The following WDR43 variants were observed in gnomAD, a reference collection of about 807,000 sequenced individuals.
WDR43 encodes WD repeat domain 43.
A neutral mutation model predicts 91.4 loss-of-function variants in WDR43; 13 were observed. The ratio of observed to expected loss-of-function variants is 0.14; its 90% confidence interval spans 0.09 to 0.23. The LOEUF (loss-of-function observed/expected upper bound fraction) is 0.23. WDR43 is among the 10% of genes least tolerant of loss of function. WDR43 has a pLI of 1.00. For synonymous variants in WDR43, 331 were observed against 287.9 expected, an observed-to-expected ratio of 1.15 and a Z score of -1.51; for missense variants, 780 against 809.4, an observed-to-expected ratio of 0.96 and a Z score of 0.44.
rs527480157 is a variant in WDR43, at chr2:28,926,283, G to A, written c.1087-185G>A. On this transcript the variant is annotated intron_variant, in intron 8 of 17. Transcript: ENST00000407426. ...AGAATTACCATTTTTCTTAACTGCC[G>A]TCAGTCTGAGTGGTGATCGTGGTTA... Among the ~76,000 whole-genome samples, 11 of 152,216 alleles carry A rather than the reference G, an allele frequency of 7.2e-5. No homozygotes were observed. In the East Asian group the frequency reaches 1.5e-3, roughly 21 times the overall value.
chr2:28,916,967 G>T (rs1023969918), intron 5 of WDR43, among the ~76,000 whole-genome samples: 1 of 152,156 alleles, frequency 6.6e-6, no homozygotes, highest in South Asian at 2.1e-4. Context: ...TCATGTCTGA[G>T]TGAAGCTTAT....
intron 2 of WDR43, among the ~76,000 whole-genome samples, chr2:28,903,591 G>T (rs1433089031): frequency 1.3e-5 from 2 of 152,136 alleles, no homozygotes; most frequent in Non-Finnish European, 2.9e-5. Flanking sequence ...AACTATAAAT[G>T]AATTTTAAAG....
chr2:28,915,838 T>C (rs530507099), intron 5 of WDR43, among the ~76,000 whole-genome samples: 26 of 152,358 alleles, frequency 1.7e-4, no homozygotes, highest in South Asian at 1.7e-3. Context: ...ATTTTGAGCA[T>C]ACATGAATGA....
chr2:28,937,408 G>C (rs1671354895), intron 13 of WDR43, among the ~76,000 whole-genome samples: 1 of 134,256 alleles, frequency 7.4e-6, no homozygotes, highest in South Asian at 2.4e-4. Flanking sequence ...AAAATATGTA[G>C]TTTTTCTTTA....
At chr2:28,918,322 GT>G (rs1336876221) in intron 6 of WDR43, among the ~76,000 whole-genome samples, 7 of 12,004 alleles carry the variant, frequency 5.8e-4, no homozygotes, top group Non-Finnish European at 1.1e-3. Flanking sequence ...CCTAACTAAG[GT>G]GTGTGTGTGT....
At chr2:28,918,609 T>C (rs1297940368) in intron 6 of WDR43, among the ~76,000 whole-genome samples, 1 of 152,090 alleles carries the variant, frequency 6.6e-6, no homozygotes, top group Admixed American at 6.5e-5. Flanking sequence ...CCTCAGGTGA[T>C]CCGCCCACCT....
At chr2:28,920,594 A>G (rs1671005553) in intron 6 of WDR43, among the ~76,000 whole-genome samples, 1 of 152,132 alleles carries the variant, frequency 6.6e-6, no homozygotes, top group Non-Finnish European at 1.5e-5. Flanking sequence ...TCTAAATACA[A>G]GTAATTTATG....
chr2:28,940,316 G>A (rs976618779), intron 14 of WDR43, among the ~76,000 whole-genome samples: 10 of 151,616 alleles, frequency 6.6e-5, no homozygotes, highest in Admixed American at 5.9e-4. Flanking sequence ...CGCAACCTCC[G>A]CCTTATGAGT....
At position 28,947,609 on chromosome 2, in the gene WDR43, C is replaced by T. The variant is rs1038187826; in HGVS notation, c.*830C>T. The T allele has an allele frequency of 6.6e-6, 1 of 151,950 alleles. No individual in the cohort carries two copies. The highest frequency in any genetic ancestry group is 2.4e-5 in the African/African-American group (1 of 41,396). 9.4% of individuals were successfully genotyped at this position (151,950 alleles called of 1,614,324 possible). A position where few individuals can be genotyped will look rare whatever the true frequency, so the allele number is the denominator to read the frequency against. On this transcript the variant is annotated 3_prime_UTR_variant, in exon 18 of 18. Transcript: ENST00000407426. ...GAGGTTTCCATTTTTATTTAAATTA[C>T]TAATGGATCAAAGAACAATTGTTTA...
Position 28,919,853 on chromosome 2 carries a change from A to AT in WDR43, c.849+1866dup, listed in dbSNP as rs529487752. ...TATAACTTTATTTTTATTTTATTTT[A>AT]TTTTTTTTGGAGACAGAGTCTCTGT... On this transcript the variant is annotated intron_variant, in intron 6 of 17. Transcript: ENST00000407426. Among the ~76,000 whole-genome samples, 822 of 151,526 alleles carry AT rather than the reference A, an allele frequency of 5.4e-3. 7 individuals carry two copies. Among genetic ancestry groups the AT allele is most frequent in the African/African-American group, 0.019 (770 of 41,370 alleles).
intron 1 of WDR43, chr2:28,895,829 G>GA (rs1670469659): frequency 6.6e-6 from 1 of 152,172 alleles, no homozygotes; most frequent in African/African-American, 2.4e-5. Flanking sequence ...CCGAATCACT[G>GA]CAAAGTGATT....
intron 1 of WDR43, among the ~76,000 whole-genome samples, chr2:28,897,460 A>G (rs1354930429): frequency 6.6e-6 from 1 of 152,192 alleles, no homozygotes; most frequent in African/African-American, 2.4e-5. Context: ...TCAAATTTGA[A>G]ATAGAGGTAT....
At chr2:28,936,835 T>C (rs922354418) in intron 12 of WDR43, 87 bp from the exon 13 acceptor site, 50 of 1,187,362 alleles carry the variant, frequency 4.2e-5, no homozygotes, top group Non-Finnish European at 5.5e-5. Flanking sequence ...GAATAATAAT[T>C]TCTCAATATT....
chr2:28,912,077 T>TG (rs1258966968), intron 3 of WDR43, among the ~76,000 whole-genome samples: 1 of 152,180 alleles, frequency 6.6e-6, no homozygotes, highest in African/African-American at 2.4e-5. Flanking sequence ...CCTGTCAGAT[T>TG]GGGGTACATT....
rs754766414 is a variant in WDR43 at position 28,926,426 on chromosome 2, T to C, written c.1087-42T>C. 9.2e-6 allele frequency: 13 copies of C among 1,411,644 alleles called. No individual in the cohort carries two copies. In the East Asian group the frequency reaches 2.7e-4, roughly 30 times the overall value. 87.4% of individuals were successfully genotyped at this position (1,411,644 alleles called of 1,614,324 possible). ...GCTTTGTTTGACACTCTTTTTTTTTTCTTTCCTCTCATCTTCCCCTTTAAA... is the reference window on the plus strand; with the variant it reads ...GCTTTGTTTGACACTCTTTTTTTTTCCTTTCCTCTCATCTTCCCCTTTAAA... On this transcript the variant is annotated intron_variant, in intron 8 of 17. Coordinates refer to ENST00000407426, the MANE Select transcript of WDR43 (RefSeq NM_015131.3).
chr2:28,927,356 G>T lies in WDR43; in HGVS notation c.1174-213G>T, dbSNP rs541233453. On this transcript the variant is annotated intron_variant, in intron 9 of 17. Transcript: ENST00000407426. Reference sequence around the variant, plus strand: ...CAGGCCAGTCGGATTTTACTCTTATGTGGTATTGTAAGCTTTAAATTCACA... The same window carrying T: ...CAGGCCAGTCGGATTTTACTCTTATTTGGTATTGTAAGCTTTAAATTCACA... 29 of 579,710 alleles carry T rather than the reference G, an allele frequency of 5.0e-5. No individual in the cohort carries two copies. The South Asian group carries it at 5.3e-4, about 11-fold the overall frequency. The allele number at this position is 579,710 out of a possible 1,614,324, so 35.9% of individuals were successfully genotyped here.
intron 16 of WDR43, among the ~76,000 whole-genome samples, chr2:28,944,689 C>T (rs1412045510): frequency 6.6e-6 from 1 of 152,156 alleles, no homozygotes; most frequent in Non-Finnish European, 1.5e-5. Context: ...AAAAATGATA[C>T]CTTCTGTGTA....
rs370642990 is a variant in WDR43, at chr2:28,902,199, A to G, written c.363+75A>G. On this transcript the variant is annotated intron_variant, in intron 2 of 17. Coordinates refer to ENST00000407426, the MANE Select transcript of WDR43 (RefSeq NM_015131.3). ...TATTAGAGATTATTAAAAAAAAAAC[A>G]CTTCAAGGTATGTGATGGGATCTGT... is the stretch of plus-strand genomic sequence containing the variant. 60 of 1,417,332 alleles carry G rather than the reference A, an allele frequency of 4.2e-5. No homozygotes were observed. The East Asian group carries it at 8.5e-4, about 20-fold the overall frequency. 87.8% of individuals were successfully genotyped at this position (1,417,332 alleles called of 1,614,324 possible).
chr2:28,935,923 G>T (rs1028947785), intron 12 of WDR43, among the ~76,000 whole-genome samples: 6 of 152,166 alleles, frequency 3.9e-5, no homozygotes, highest in African/African-American at 1.4e-4. Context: ...GGGAATAATT[G>T]TTGTAAACAC....
Sources: allele counts gnomAD v4.1 joint callset (sites outside exome capture counted in the v4.1 genomes callset), GRCh38; gene constraint gnomAD v4.1.1; transcripts MANE v1.5; gene names NCBI Gene and HGNC (gene_info 2026-07-23, HGNC 2026-07-21).